Variants in CCDC178 observed in about 807,000 individuals in gnomAD.
The protein encoded by CCDC178 is coiled-coil domain containing 178, also known as coiled-coil domain-containing protein 178.
In CCDC178, 126 loss-of-function variants were observed where a neutral mutation model predicts 117.4. The observed-to-expected ratio is 1.07, with a 90% CI of 0.93 to 1.24. The LOEUF is 1.24. CCDC178 is among the 50% of genes most tolerant of loss of function. The probability of loss-of-function intolerance (pLI) is 0.00; values close to 1 mark genes in which losing one functional copy is unlikely to be tolerated. For missense variants in CCDC178, 1,030 were observed against 986.9 expected (o/e 1.04, Z -0.59); for synonymous variants, 283 against 313.4 (o/e 0.90, Z 1.02).
intron 10 of CCDC178, among the ~76,000 whole-genome samples, chr18:33,327,650 A>T (rs2145028109): frequency 6.6e-6 from 1 of 152,248 alleles, no homozygotes; most frequent in South Asian, 2.1e-4. Flanking sequence ...CCTAATGGGT[A>T]TGACTGGTAT....
chr18:33,035,750 A>G (rs943339708), intron 21 of CCDC178, among the ~76,000 whole-genome samples: 1 of 152,042 alleles, frequency 6.6e-6, no homozygotes, highest in African/African-American at 2.4e-5. Flanking sequence ...TACATATTGC[A>G]TAAGTATTAA....
At chr18:33,160,562 A>C (rs1006787751) in intron 20 of CCDC178, among the ~76,000 whole-genome samples, 8 of 152,172 alleles carry the variant, frequency 5.3e-5, no homozygotes, top group Non-Finnish European at 1.0e-4. Context: ...CATAGGACAC[A>C]GGTCAATAGC....
intron 15 of CCDC178, among the ~76,000 whole-genome samples, chr18:33,241,665 G>C (rs1471337141): frequency 6.6e-6 from 1 of 151,278 alleles, no homozygotes; most frequent in Non-Finnish European, 1.5e-5. Context: ...AACTAACGAG[G>C]TGAAATATTT....
intron 15 of CCDC178, among the ~76,000 whole-genome samples, chr18:33,236,275 T>C (rs1374268678): frequency 3.3e-5 from 5 of 152,184 alleles, no homozygotes; most frequent in Admixed American, 2.0e-4. Context: ...CTAAAGATTT[T>C]CATGAATCAG....
chr18:33,140,248 C>G (rs1426652288), intron 20 of CCDC178, among the ~76,000 whole-genome samples: 1 of 152,068 alleles, frequency 6.6e-6, no homozygotes, highest in Non-Finnish European at 1.5e-5. Context: ...GGGGTCAGAG[C>G]CCCCACAATG....
chr18:33,035,064 G>C (rs1332224882), intron 21 of CCDC178, among the ~76,000 whole-genome samples: 2 of 152,006 alleles, frequency 1.3e-5, no homozygotes, highest in African/African-American at 4.8e-5. Context: ...GGGAGTGTAT[G>C]AGTAGAAATG....
At chr18:33,322,657 AAT>A (rs1833863148) in intron 11 of CCDC178, among the ~76,000 whole-genome samples, 1 of 151,714 alleles carries the variant, frequency 6.6e-6, no homozygotes, top group South Asian at 2.1e-4. Context: ...AAAATTAGAA[AAT>A]ATATCCAATT....
chr18:33,145,807 G>A (rs2058260708), intron 20 of CCDC178, among the ~76,000 whole-genome samples: 1 of 152,148 alleles, frequency 6.6e-6, no homozygotes, highest in Admixed American at 6.5e-5. Flanking sequence ...ATGAACCAGT[G>A]CCCTTTGTTA....
At chr18:33,124,993 C>T (rs966699918) in intron 20 of CCDC178, among the ~76,000 whole-genome samples, 3 of 152,240 alleles carry the variant, frequency 2.0e-5, no homozygotes, top group African/African-American at 4.8e-5. Context: ...CAGCTGTGCC[C>T]TCTTACCTCC....
At chr18:33,238,003 T>C (rs2059445406) in intron 15 of CCDC178, among the ~76,000 whole-genome samples, 1 of 152,180 alleles carries the variant, frequency 6.6e-6, no homozygotes, top group Admixed American at 6.5e-5. Flanking sequence ...CCACAGATTC[T>C]CTCAGCTTAG....
intron 20 of CCDC178, among the ~76,000 whole-genome samples, chr18:33,104,493 A>T (rs2057676469): frequency 6.6e-6 from 1 of 151,488 alleles, no homozygotes; most frequent in East Asian, 1.9e-4. Flanking sequence ...TATCTTTGTC[A>T]AGCATAAAAC....
intron 20 of CCDC178, among the ~76,000 whole-genome samples, chr18:33,104,773 A>G (rs936982964): frequency 6.6e-6 from 1 of 151,728 alleles, no homozygotes; most frequent in Non-Finnish European, 1.5e-5. Flanking sequence ...TGTTGGCCAT[A>G]TATTAATTTG....
At chr18:33,348,860 C>G (rs537426624) in intron 8 of CCDC178, 30 bp downstream of exon 8, 20 of 1,356,218 alleles carry the variant, frequency 1.5e-5, no homozygotes, top group Non-Finnish European at 2.1e-5. Flanking sequence ...TAAATATATA[C>G]AGTTATTCAA....
At chr18:33,401,856 T>C (rs1343572740) in intron 3 of CCDC178, among the ~76,000 whole-genome samples, 1 of 151,984 alleles carries the variant, frequency 6.6e-6, no homozygotes, top group East Asian at 1.9e-4. Context: ...CATCAGAAGG[T>C]CCAAATGAGA....
At position 33,215,683 on chromosome 18, in the gene CCDC178, CTG is replaced by C; in HGVS notation, c.1943_1944del (p.Ser648CysfsTer4). ...DALIETESKR[S>X]AIFKDLEATK... ...GTTGCTTCTAGGTCTTTAAAAATTG[CTG>C]AGCGTTTACTCTGAAAAAAAATATA... On this transcript the variant is annotated frameshift_variant, in exon 19 of 23. Coordinates refer to ENST00000383096, the MANE Select transcript of CCDC178 (RefSeq NM_001105528.4). LOFTEE classifies it high-confidence loss of function. 2.0e-6 allele frequency: 3 copies of C among 1,523,942 alleles called. No homozygotes were observed. The South Asian group carries it at 3.9e-5, about 20-fold the overall frequency. The allele number at this position is 1,523,942 out of a possible 1,614,324, so 94.4% of individuals were successfully genotyped here. A position where few individuals can be genotyped will look rare whatever the true frequency, so the allele number is the denominator to read the frequency against.
intron 20 of CCDC178, among the ~76,000 whole-genome samples, chr18:33,109,861 C>G (rs271441): frequency 6.6e-6 from 1 of 151,392 alleles, no homozygotes; most frequent in Non-Finnish European, 1.5e-5. Flanking sequence ...AATTTATGCA[C>G]TCTGCTGTCC....
At chr18:33,366,365 A>G (rs1348782863) in intron 6 of CCDC178, among the ~76,000 whole-genome samples, 1 of 151,976 alleles carries the variant, frequency 6.6e-6, no homozygotes, top group Non-Finnish European at 1.5e-5. Flanking sequence ...TGGGCCCTTC[A>G]TTGGCCAGCC....
intron 21 of CCDC178, among the ~76,000 whole-genome samples, chr18:33,033,728 A>T (rs777533335): frequency 2.6e-5 from 4 of 151,824 alleles, no homozygotes; most frequent in Admixed American, 1.3e-4. Flanking sequence ...CCCTGTTTGT[A>T]TTTCTCTTCT....
chr18:32,941,949 A>C (rs944253402), intron 22 of CCDC178, among the ~76,000 whole-genome samples: 1 of 152,172 alleles, frequency 6.6e-6, no homozygotes, highest in Admixed American at 6.5e-5. Flanking sequence ...CAATGACCTG[A>C]ATATAGCCCT....
Sources: gnomAD v4.1 joint callset for allele counts (sites outside exome capture counted in the v4.1 genomes callset) on GRCh38, gnomAD v4.1.1 for gene constraint, MANE v1.5 for transcripts, NCBI Gene and HGNC (gene_info 2026-07-23, HGNC 2026-07-21) for gene names.